Variants in YWHAZ observed in about 807,000 individuals in gnomAD.
YWHAZ encodes the protein 14-3-3 protein zeta/delta.
For missense variants in YWHAZ, 79 were observed against 284.8 expected (o/e 0.28, Z 5.20); for synonymous variants, 87 against 103.6 (o/e 0.84, Z 0.97).
At chr8:100,938,754 C>T (rs1814388615) in intron 2 of YWHAZ, among the ~76,000 whole-genome samples, 1 of 152,196 alleles carries the variant, frequency 6.6e-6, no homozygotes, top group Admixed American at 6.5e-5. Flanking sequence ...TCTTACTCCC[C>T]CTTGTGGCCG....
At chr8:100,934,888 T>C (rs1475541297) in intron 2 of YWHAZ, 1 of 152,166 alleles carries the variant, frequency 6.6e-6, no homozygotes, top group Non-Finnish European at 1.5e-5. Flanking sequence ...TTACAGCAGC[T>C]TTATTTTTTC....
chr8:100,925,186 A>G, intron 2 of YWHAZ, 147 bp from the exon 3 acceptor site: 1 of 862,660 alleles, frequency 1.2e-6, no homozygotes. Flanking sequence ...CAGCTGGCAC[A>G]TGAATTTGTG....
chr8:100,945,491 G>A (rs192202048), intron 2 of YWHAZ, among the ~76,000 whole-genome samples: 1 of 152,064 alleles, frequency 6.6e-6, no homozygotes, highest in Admixed American at 6.6e-5. Context: ...AGGGACACCT[G>A]CTTATTTTTC....
At chr8:100,952,888 C>T (rs796404577), upstream of YWHAZ, 10 of 1,000,356 alleles carry the variant, frequency 1.0e-5, 1 homozygote, top group African/African-American at 1.6e-4. Context: ...CCTTTTATGG[C>T]TCGGAAACGG....
intron 2 of YWHAZ, among the ~76,000 whole-genome samples, chr8:100,937,508 A>C (rs1432618666): frequency 6.6e-6 from 1 of 152,228 alleles, no homozygotes; most frequent in Non-Finnish European, 1.5e-5. Context: ...AAATCCCCCC[A>C]GAATATCAAA....
At chr8:100,925,736 TTCTG>T (rs1283609195) in intron 2 of YWHAZ, among the ~76,000 whole-genome samples, 7 of 152,152 alleles carry the variant, frequency 4.6e-5, no homozygotes, top group African/African-American at 1.7e-4. Flanking sequence ...TCCTATAAAA[TTCTG>T]TCTAAAACTA....
chr8:100,923,819 G>T, intron 5 of YWHAZ, 136 bp downstream of exon 5: 2 of 598,510 alleles, frequency 3.3e-6, no homozygotes, highest in Non-Finnish European at 5.6e-6. Context: ...TAGTAGCTGA[G>T]ATATATTTAT....
chr8:100,951,157 C>T, intron 1 of YWHAZ: 1 of 984,924 alleles, frequency 1.0e-6, no homozygotes, highest in Non-Finnish European at 1.2e-6. Context: ...AGCTCTAGGT[C>T]CCAGGCGAGC....
chr8:100,931,494 C>A (rs991339604), intron 2 of YWHAZ, among the ~76,000 whole-genome samples: 12 of 152,174 alleles, frequency 7.9e-5, no homozygotes, highest in Non-Finnish European at 1.6e-4. Context: ...ACCTTTCGGG[C>A]ATTCAACACT....
At chr8:100,939,879 C>T (rs994592119) in intron 2 of YWHAZ, among the ~76,000 whole-genome samples, 4 of 151,504 alleles carry the variant, frequency 2.6e-5, no homozygotes, top group Admixed American at 6.6e-5. Context: ...AAGAATTAGC[C>T]GGGCGTGGTG....
At chr8:100,935,108 C>G (rs3134352) in intron 2 of YWHAZ, 81,313 of 151,818 alleles carry the variant, frequency 0.54, 22,076 homozygotes, top group South Asian at 0.67. Flanking sequence ...AGTGAGCCGA[C>G]ATTGTGCCAC....
At chr8:100,950,421 G>C in intron 1 of YWHAZ, 7 of 985,448 alleles carry the variant, frequency 7.1e-6, no homozygotes, top group Non-Finnish European at 8.4e-6. Context: ...TTGAGACGTC[G>C]GTTACTGTGA....
rs764053593 is a variant in YWHAZ at position 100,924,338 on chromosome 8, CATT to C, written c.419-43_419-41del. ...CCAAAACGTACTGAGATAAAGTGTG[CATT>C]ATATCTTCACCCCTCAAACCAAACC... On this transcript the variant is annotated intron_variant, in intron 3 of 5. Transcript: ENST00000395958. The surrounding 1 kb of genome is among the most constrained non-coding windows in gnomAD (Gnocchi z 5.7). The C allele has an allele frequency of 6.3e-7, 1 of 1,584,230 alleles. No homozygotes were observed. The highest frequency in any genetic ancestry group is 1.2e-5 in the South Asian group (1 of 86,610).
Position 100,920,806 on chromosome 8 carries a change from G to GC in YWHAZ, c.679-55_679-54insG, listed in dbSNP as rs1349501394. On this transcript the variant is annotated intron_variant, in intron 5 of 5. Transcript: ENST00000395958. ...AAGTTTCAGTGGGATGGGGGGGGGGGGGCGTTTTCATATAAGTGCCAAGAT... is the reference window on the plus strand; with the variant it reads ...AAGTTTCAGTGGGATGGGGGGGGGGGCGGCGTTTTCATATAAGTGCCAAGAT... 5.4e-5 allele frequency: 30 copies of GC among 555,806 alleles called. 5 individuals are homozygous for GC. The highest frequency in any genetic ancestry group is 4.0e-4 in the South Asian group (25 of 62,162). The allele number at this position is 555,806 out of a possible 1,614,324, so 34.4% of individuals were successfully genotyped here. A position where few individuals can be genotyped will look rare whatever the true frequency, so the allele number is the denominator to read the frequency against.
intron 2 of YWHAZ, among the ~76,000 whole-genome samples, chr8:100,945,182 T>C (rs973309815): frequency 3.9e-5 from 6 of 152,212 alleles, no homozygotes; most frequent in Non-Finnish European, 8.8e-5. Flanking sequence ...TTCTTTTACA[T>C]AATGCAAAGT....
intron 2 of YWHAZ, among the ~76,000 whole-genome samples, chr8:100,945,419 G>A (rs1228667961): frequency 1.3e-5 from 2 of 152,050 alleles, no homozygotes; most frequent in African/African-American, 2.4e-5. Flanking sequence ...TATAAAATAG[G>A]TGCTCAATAT....
chr8:100,926,235 A>C (rs1463798132), intron 2 of YWHAZ, among the ~76,000 whole-genome samples: 1 of 148,506 alleles, frequency 6.7e-6, no homozygotes, highest in African/African-American at 2.5e-5. Flanking sequence ...CAAGCTACAG[A>C]TAACCCAGAT....
At chr8:100,939,581 C>T (rs1290277104) in intron 2 of YWHAZ, among the ~76,000 whole-genome samples, 3 of 151,726 alleles carry the variant, frequency 2.0e-5, no homozygotes, top group South Asian at 2.1e-4. Context: ...ATCGCTTGAA[C>T]CCAGGAGACG....
chr8:100,944,063 G>T (rs946998079), intron 2 of YWHAZ, among the ~76,000 whole-genome samples: 1 of 151,762 alleles, frequency 6.6e-6, no homozygotes, highest in Non-Finnish European at 1.5e-5. Context: ...ACAGAACTGG[G>T]ATTATTTATA....
Sources: allele counts gnomAD v4.1 joint callset (sites outside exome capture counted in the v4.1 genomes callset), GRCh38; gene constraint gnomAD v4.1.1; non-coding constraint Gnocchi (gnomAD v3.1); transcripts MANE v1.5; gene names NCBI Gene and HGNC (gene_info 2026-07-23, HGNC 2026-07-21).